EPHB1: variants seen among roughly 807,000 people sequenced by gnomAD.
EPHB1 encodes EPH receptor B1, also known as ephrin type-B receptor 1.
Under a neutral mutation model 94.4 loss-of-function variants are expected in EPHB1, and 30 were observed. That is an observed-to-expected ratio of 0.32 (90% CI 0.24 to 0.43). The LOEUF (loss-of-function observed/expected upper bound fraction) is 0.43, where lower values mean the gene tolerates loss of function less well. Ranked by LOEUF, EPHB1 falls within the 20% of genes least tolerant of loss-of-function variation. EPHB1 has a pLI of 1.00. For missense variants in EPHB1, 1,055 were observed against 1,308.3 expected (o/e 0.81, Z 2.99); for synonymous variants, 522 against 489.1 (o/e 1.07, Z -0.89).
chr3:134,862,044 C>T (rs983044582), intron 1 of EPHB1, among the ~76,000 whole-genome samples: 2 of 152,152 alleles, frequency 1.3e-5, no homozygotes, highest in African/African-American at 4.8e-5. Flanking sequence ...CTTTGCTGCA[C>T]AGGGATTCCC....
At chr3:134,979,924 T>G (rs1449421840) in intron 3 of EPHB1, among the ~76,000 whole-genome samples, 2 of 152,206 alleles carry the variant, frequency 1.3e-5, no homozygotes, top group African/African-American at 4.8e-5. Flanking sequence ...TTTGTTGTTG[T>G]TGTTACTTTG....
chr3:135,227,965 G>T (rs149530172), intron 12 of EPHB1, among the ~76,000 whole-genome samples: 1 of 151,824 alleles, frequency 6.6e-6, no homozygotes, highest in African/African-American at 2.4e-5. Context: ...TAGACTCTTC[G>T]TGTGTATTTC....
chr3:135,023,020 T>C (rs758914625), intron 3 of EPHB1, among the ~76,000 whole-genome samples: 4 of 152,338 alleles, frequency 2.6e-5, no homozygotes, highest in African/African-American at 7.2e-5. Flanking sequence ...TCAGTAGATA[T>C]TGTCCAACGT....
intron 1 of EPHB1, among the ~76,000 whole-genome samples, chr3:134,911,488 G>C (rs182930643): frequency 2.6e-5 from 4 of 152,060 alleles, no homozygotes; most frequent in Admixed American, 2.0e-4. Flanking sequence ...GGTATGATGT[G>C]GTCAGCTTCA....
intron 9 of EPHB1, among the ~76,000 whole-genome samples, chr3:135,179,229 T>G (rs1166854551): frequency 6.6e-6 from 1 of 152,204 alleles, no homozygotes; most frequent in Non-Finnish European, 1.5e-5. Flanking sequence ...CCATTTTTCT[T>G]TCATACCACC....
chr3:134,970,073 TTAA>T (rs1354541925), intron 3 of EPHB1, among the ~76,000 whole-genome samples: 13 of 152,254 alleles, frequency 8.5e-5, no homozygotes, highest in African/African-American at 2.9e-4. Flanking sequence ...CTTTATTCTC[TTAA>T]TAATGTCTTT....
chr3:134,872,027 AC>A (rs542394905), intron 1 of EPHB1, among the ~76,000 whole-genome samples: 43 of 152,236 alleles, frequency 2.8e-4, no homozygotes, highest in African/African-American at 9.6e-4. Context: ...TGTTACTTGC[AC>A]CTGCTCTTGC....
At chr3:135,225,547 G>T (rs563272874) in intron 12 of EPHB1, among the ~76,000 whole-genome samples, 1 of 152,130 alleles carries the variant, frequency 6.6e-6, no homozygotes, top group African/African-American at 2.4e-5. Context: ...AATGAATTTG[G>T]AACCCTCTGA....
intron 1 of EPHB1, among the ~76,000 whole-genome samples, chr3:134,905,334 AC>A (rs2038296131): frequency 6.6e-6 from 1 of 152,074 alleles, no homozygotes; most frequent in African/African-American, 2.4e-5. Flanking sequence ...CTGCTGGCCT[AC>A]CAAACTGATT....
chr3:135,077,528 G>C (rs1163688192), intron 3 of EPHB1, among the ~76,000 whole-genome samples: 1 of 152,224 alleles, frequency 6.6e-6, no homozygotes, highest in Non-Finnish European at 1.5e-5. Flanking sequence ...CTGGGCCATG[G>C]ATGGCTGGGC....
At chr3:135,176,184 C>T (rs1453240757) in intron 9 of EPHB1, among the ~76,000 whole-genome samples, 1 of 152,080 alleles carries the variant, frequency 6.6e-6, no homozygotes, top group African/African-American at 2.4e-5. Context: ...CCAAGTCACT[C>T]TCCTGATTTA....
At chr3:135,175,183 C>G (rs564978035) in intron 9 of EPHB1, among the ~76,000 whole-genome samples, 3 of 152,188 alleles carry the variant, frequency 2.0e-5, no homozygotes, top group Admixed American at 6.5e-5. Context: ...TAAAGGGTCT[C>G]CCCGACTTTT....
At position 134,951,826 on chromosome 3, in the gene EPHB1, CA is replaced by C. The variant is rs2107715912; in HGVS notation, c.584del (p.Lys195SerfsTer16). On this transcript the variant is annotated frameshift_variant, in exon 3 of 16. Transcript: ENST00000398015. LOFTEE classifies it high-confidence loss of function. The surrounding 1 kb of genome is among the most constrained non-coding windows in gnomAD (Gnocchi z 4.5). The stretch of plus-strand genomic sequence containing the variant: ...CTCTTCTTTCTGTCCGTGTCTTCTT[CA>C]AAAAGTGTCCCAGCATTGTGCAAAA... ...MSLLSVRVFFKKCPSIVQNFA... is the reference protein window; with the variant it reads ...MSLLSVRVFFXKCPSIVQNFA... 6.2e-7 allele frequency: 1 copy of C among 1,614,030 alleles called. No homozygotes were observed. The highest frequency in any genetic ancestry group is 8.5e-7 in the Non-Finnish European group (1 of 1,179,886).
At chr3:135,069,121 C>T (rs191612338) in intron 3 of EPHB1, among the ~76,000 whole-genome samples, 58 of 150,786 alleles carry the variant, frequency 3.8e-4, no homozygotes, top group African/African-American at 1.2e-3. Context: ...TCTAAGAAGC[C>T]GCATTACCTG....
At chr3:134,892,311 T>A (rs2038000459) in intron 1 of EPHB1, among the ~76,000 whole-genome samples, 1 of 152,316 alleles carries the variant, frequency 6.6e-6, no homozygotes, top group South Asian at 2.1e-4. Flanking sequence ...ATGGGCTTAG[T>A]TCCATGCTTA....
chr3:134,963,712 A>T lies in EPHB1; in HGVS notation c.805+11660A>T, dbSNP rs1563618. On this transcript the variant is annotated intron_variant, in intron 3 of 15. Transcript: ENST00000398015. ...CACAGGACTTGGAGGTTCTGCTGGT[A>T]ACCACTATTCTCTATGCCTCCCAAG... Among the ~76,000 whole-genome samples, 986 of 152,258 alleles carry T rather than the reference A, an allele frequency of 6.5e-3. 8 individuals are homozygous for T. Among genetic ancestry groups the T allele is most frequent in the African/African-American group, 0.022 (931 of 41,558 alleles).
chr3:134,903,462 G>A (rs2038248832), intron 1 of EPHB1, among the ~76,000 whole-genome samples: 1 of 152,232 alleles, frequency 6.6e-6, no homozygotes, highest in Non-Finnish European at 1.5e-5. Context: ...CCTAGGATGT[G>A]CTGACGTGCA....
chr3:135,134,510 G>A (rs1940543804), intron 5 of EPHB1, among the ~76,000 whole-genome samples: 1 of 152,142 alleles, frequency 6.6e-6, no homozygotes, highest in Non-Finnish European at 1.5e-5. Flanking sequence ...TGTTCATGTG[G>A]TGTGTTTGTA....
intron 4 of EPHB1, among the ~76,000 whole-genome samples, chr3:135,130,749 A>G (rs1940387480): frequency 1.3e-5 from 2 of 152,162 alleles, no homozygotes; most frequent in African/African-American, 4.8e-5. Context: ...TGATAGCCTC[A>G]GGATGTCCCA....
Sources: gnomAD v4.1 joint callset for allele counts (sites outside exome capture counted in the v4.1 genomes callset) on GRCh38, gnomAD v4.1.1 for gene constraint, Gnocchi (gnomAD v3.1) non-coding constraint, MANE v1.5 for transcripts, NCBI Gene and HGNC (gene_info 2026-07-23, HGNC 2026-07-21) for gene names.